ZNF782: variants seen among roughly 807,000 people sequenced by gnomAD.
ZNF782 encodes the protein zinc finger protein 782.
Under a neutral mutation model 13.0 loss-of-function variants are expected in ZNF782, and 12 were observed. The ratio of observed to expected loss-of-function variants is 0.92; its 90% CI spans 0.59 to 1.50. ZNF782 has a LOEUF of 1.50. Among genes scored for constraint, ZNF782 ranks in the 40% most tolerant of loss-of-function variants. The pLI, the probability that ZNF782 is intolerant of heterozygous loss-of-function variation, is 0.00. For synonymous variants in ZNF782, 284 were observed against 283.0 expected (o/e 1.00, Z -0.04); for missense variants, 770 against 822.9 (o/e 0.94, Z 0.79).
the ZNF782 span, among the ~76,000 whole-genome samples, chr9:96,884,471 A>G: frequency 6.6e-6 from 1 of 152,178 alleles, no homozygotes; most frequent in Non-Finnish European, 1.5e-5. Context: ...TGATATCAAC[A>G]ATATGCAGAG....
At chr9:96,886,139 C>T in the ZNF782 span, among the ~76,000 whole-genome samples, 1 of 151,362 alleles carries the variant, frequency 6.6e-6, no homozygotes, top group East Asian at 2.0e-4. Context: ...TCAGCTATCA[C>T]ACCTGGCCCA....
chr9:96,900,728 C>T, the ZNF782 span, among the ~76,000 whole-genome samples: 4 of 152,384 alleles, frequency 2.6e-5, no homozygotes, highest in South Asian at 2.1e-4. Context: ...GCAACAAGAG[C>T]AAAACTCTGT....
the ZNF782 span, among the ~76,000 whole-genome samples, chr9:96,917,747 C>T: frequency 1.3e-5 from 2 of 151,308 alleles, 1 homozygote; most frequent in South Asian, 4.2e-4. Context: ...TTTTTTTAGA[C>T]AGGGTCTCAC....
At chr9:96,837,951 C>T (rs992220794) in intron 4 of ZNF782, among the ~76,000 whole-genome samples, 1 of 152,094 alleles carries the variant, frequency 6.6e-6, no homozygotes, top group Non-Finnish European at 1.5e-5. Flanking sequence ...GTCTTGAGCT[C>T]CTGGGTTCAA....
chr9:96,831,714 A>T, intron 4 of ZNF782, among the ~76,000 whole-genome samples: 1 of 139,714 alleles, frequency 7.2e-6, no homozygotes, highest in Non-Finnish European at 1.5e-5. Flanking sequence ...CTCTGTCTCA[A>T]AAAAAAAAAA....
intron 3 of ZNF782, among the ~76,000 whole-genome samples, chr9:96,849,246 A>G (rs930486621): frequency 5.3e-5 from 8 of 152,194 alleles, no homozygotes; most frequent in Admixed American, 2.0e-4. Context: ...GAAGCACCCA[A>G]TCTAGATCCC....
the ZNF782 span, among the ~76,000 whole-genome samples, chr9:96,933,200 A>C: frequency 6.8e-6 from 1 of 147,972 alleles, no homozygotes. Flanking sequence ...GGATGCTCTC[A>C]ATCTCCTGCC....
the ZNF782 span, among the ~76,000 whole-genome samples, chr9:96,919,995 T>C: frequency 6.6e-6 from 1 of 151,402 alleles, no homozygotes; most frequent in Non-Finnish European, 1.5e-5. Context: ...TTGCTGAAAG[T>C]GAATCAGATT....
intron 4 of ZNF782, among the ~76,000 whole-genome samples, chr9:96,844,218 G>A (rs969681382): frequency 2.6e-5 from 4 of 152,148 alleles, no homozygotes; most frequent in African/African-American, 9.7e-5. Flanking sequence ...ACTTACCAAA[G>A]ACCTGGCAAG....
At chr9:96,898,899 C>T in the ZNF782 span, among the ~76,000 whole-genome samples, 4 of 148,562 alleles carry the variant, frequency 2.7e-5, no homozygotes, top group South Asian at 2.2e-4. Context: ...CAAGTGTACA[C>T]GGTTCTGTAA....
At position 96,818,731 on chromosome 9, in the gene ZNF782, A is replaced by C. The variant is rs746105829; in HGVS notation, c.1292T>G (p.Phe431Cys). Reference sequence around the variant, plus strand: ...TATTCTTAGGCCTGACTTTGCACTGAAAGCTTTATCACATCCATCACATTT... The same window carrying C: ...TATTCTTAGGCCTGACTTTGCACTGCAAGCTTTATCACATCCATCACATTT... ...PYKCDGCDKAFSAKSGLRIHQ... is the reference protein window; with the variant it reads ...PYKCDGCDKACSAKSGLRIHQ... Residue 431 changes from phenylalanine (F) to cysteine (C), a missense_variant, in exon 6 of 6, where the codon TTC (phenylalanine) becomes TGC (cysteine). Coordinates refer to ENST00000481138, the MANE Select transcript of ZNF782 (RefSeq NM_001001662.3). 39 of 1,613,788 alleles carry C rather than the reference A, an allele frequency of 2.4e-5. No homozygotes were observed. The highest frequency in any genetic ancestry group is 3.2e-5 in the Non-Finnish European group (38 of 1,179,978).
the ZNF782 span, among the ~76,000 whole-genome samples, chr9:96,901,444 G>T: frequency 6.6e-6 from 1 of 150,520 alleles, no homozygotes; most frequent in Non-Finnish European, 1.5e-5. Flanking sequence ...GCTAATTTTT[G>T]TATTTTTAGT....
the ZNF782 span, chr9:96,910,338 G>A: frequency 3.3e-6 from 2 of 597,348 alleles, no homozygotes; most frequent in Admixed American, 2.2e-5. Flanking sequence ...ACAGGCAAGC[G>A]GGCAGCTGAA....
chr9:96,826,001 G>A (rs1039957681), intron 5 of ZNF782, among the ~76,000 whole-genome samples: 1 of 152,138 alleles, frequency 6.6e-6, no homozygotes, highest in African/African-American at 2.4e-5. Flanking sequence ...CAATTCCTCA[G>A]GGATCTAGAA....
chr9:96,881,114 C>A, the ZNF782 span, among the ~76,000 whole-genome samples: 5 of 151,766 alleles, frequency 3.3e-5, no homozygotes, highest in African/African-American at 9.7e-5. Context: ...TAGTTAGAAC[C>A]CCTGTTTTCT....
At chr9:96,885,876 C>T in the ZNF782 span, among the ~76,000 whole-genome samples, 1 of 151,894 alleles carries the variant, frequency 6.6e-6, no homozygotes, top group Admixed American at 6.6e-5. Flanking sequence ...GAGACAGAGT[C>T]TCACTCTGTG....
chr9:96,851,600 A>G (rs985424492), intron 3 of ZNF782, among the ~76,000 whole-genome samples: 1 of 152,208 alleles, frequency 6.6e-6, no homozygotes, highest in Non-Finnish European at 1.5e-5. Context: ...TACTACACTC[A>G]TTAGCAACTA....
the ZNF782 span, chr9:96,895,834 C>G: frequency 2.0e-5 from 3 of 152,158 alleles, no homozygotes; most frequent in Non-Finnish European, 4.4e-5. Flanking sequence ...AGCAGAATCC[C>G]TACACTGGTT....
chr9:96,825,141 C>A (rs1173782159), intron 5 of ZNF782, among the ~76,000 whole-genome samples: 15 of 152,184 alleles, frequency 9.9e-5, no homozygotes, highest in African/African-American at 3.6e-4. Context: ...CATCACACTA[C>A]CTGACTTCAA....
Sources: allele counts gnomAD v4.1 joint callset (sites outside exome capture counted in the v4.1 genomes callset), GRCh38; gene constraint gnomAD v4.1.1; transcripts MANE v1.5; gene names NCBI Gene and HGNC (gene_info 2026-07-23, HGNC 2026-07-21).